The following ZNF335 variants were observed in gnomAD, a reference collection of about 807,000 sequenced individuals.
ZNF335 encodes the protein zinc finger protein 335.
A neutral mutation model predicts 145.6 loss-of-function variants in ZNF335; 84 were observed. The ratio of observed to expected loss-of-function variants is 0.58; its 90% CI spans 0.48 to 0.69. The LOEUF (loss-of-function observed/expected upper bound fraction) is 0.69. ZNF335 is among the 30% of genes least tolerant of loss of function. ZNF335 has a pLI of 0.00. For synonymous variants in ZNF335, 761 were observed against 717.0 expected, an observed-to-expected ratio of 1.06 and a Z score of -0.98; for missense variants, 1,865 against 1,809.7, an observed-to-expected ratio of 1.03 and a Z score of -0.55.
intron 3 of ZNF335, 39 bp from the exon 4 acceptor site, chr20:45,968,401 G>A (rs768057098): frequency 1.9e-6 from 3 of 1,587,046 alleles, no homozygotes; most frequent in South Asian, 2.2e-5. Context: ...TCCTGGGGAG[G>A]GGGTCCCAGC....
chr20:45,969,138 C>T (rs1009743305), intron 3 of ZNF335, among the ~76,000 whole-genome samples: 3 of 152,206 alleles, frequency 2.0e-5, no homozygotes, highest in Non-Finnish European at 2.9e-5. Flanking sequence ...CATTAACATC[C>T]TCTACCTTTT....
chr20:45,960,972 A>G (rs2145391528), intron 10 of ZNF335, 90 bp from the exon 11 acceptor site: 1 of 1,541,018 alleles, frequency 6.5e-7, no homozygotes, highest in Non-Finnish European at 8.8e-7. Context: ...CTCAGCTATG[A>G]GCCTACTCCC....
At chr20:45,956,674 A>G (rs992373273) in intron 17 of ZNF335, among the ~76,000 whole-genome samples, 2 of 152,124 alleles carry the variant, frequency 1.3e-5, no homozygotes, top group African/African-American at 4.8e-5. Flanking sequence ...GTATATGAGG[A>G]GGACACTTCA....
chr20:45,960,539 A>G lies in ZNF335; in HGVS notation c.1783-14T>C, dbSNP rs1453389722. 8 of 1,613,976 alleles carry G rather than the reference A, an allele frequency of 5.0e-6. No individual in the cohort carries two copies. Among genetic ancestry groups the G allele is most frequent in the Non-Finnish European group, 6.8e-6 (8 of 1,180,000 alleles). On this transcript the variant is annotated splice_polypyrimidine_tract_variant and intron_variant, in intron 12 of 27. Transcript: ENST00000322927. ...GGACTTTCCACACTGTGAGGGGTGG[A>G]GAGCAGTGAGATGGCGATCACCCTC...
chr20:45,958,365 T>C (rs1009399802), intron 15 of ZNF335, among the ~76,000 whole-genome samples: 8 of 152,184 alleles, frequency 5.3e-5, no homozygotes, highest in African/African-American at 1.9e-4. Flanking sequence ...GTTTTCAAAA[T>C]ATACGAGCTC....
chr20:45,958,077 GTC>G lies in ZNF335; in HGVS notation c.2254-151_2254-150del, dbSNP rs1191992506. On this transcript the variant is annotated intron_variant, in intron 15 of 27. Transcript: ENST00000322927. ...TTTCTTTTTTTTTTTTTGAGATGGA[GTC>G]TCTCTGTCATGCAGGCTGGAGTACA... is the stretch of plus-strand genomic sequence containing the variant. 17 of 639,360 alleles carry G rather than the reference GTC, an allele frequency of 2.7e-5. No homozygotes were observed. The Admixed American group carries it at 4.0e-4, about 15-fold the overall frequency. 39.6% of individuals were successfully genotyped at this position (639,360 alleles called of 1,614,324 possible). A position where few individuals can be genotyped will look rare whatever the true frequency, so the allele number is the denominator to read the frequency against.
intron 7 of ZNF335, 58 bp downstream of exon 7, chr20:45,965,570 A>T (rs963801733): frequency 1.9e-6 from 3 of 1,542,204 alleles, no homozygotes; most frequent in Admixed American, 2.2e-5. Flanking sequence ...AGAGACAAGC[A>T]GGGAGAGAGG....
At chr20:45,949,722 T>C (rs1176232947) in intron 24 of ZNF335, 78 bp downstream of exon 24, 23 of 1,554,806 alleles carry the variant, frequency 1.5e-5, no homozygotes, top group Non-Finnish European at 1.9e-5. Context: ...GTTTGGAAAG[T>C]ATCATTCCTC....
chr20:45,964,114 T>C, intron 7 of ZNF335, 124 bp from the exon 8 acceptor site: 1 of 1,183,692 alleles, frequency 8.4e-7, no homozygotes, highest in Non-Finnish European at 1.1e-6. Flanking sequence ...ATGGGTGCAT[T>C]GAGTCACATG....
At position 45,969,590 on chromosome 20, in the gene ZNF335, G is replaced by A. The variant is rs868406297; in HGVS notation, c.303C>T (p.Gly101=). Residue 101 remains glycine (G), a synonymous_variant, in exon 3 of 28, where the codon GGC becomes GGT. Coordinates refer to ENST00000322927, the MANE Select transcript of ZNF335 (RefSeq NM_022095.4). The part of the protein sequence containing the change: ...VSHGPVAGVT[G]GPPALVHSSA... The stretch of plus-strand genomic sequence containing the variant: ...TAGAGTGCACAAGTGCTGGGGGACC[G>A]CCTGTCACCCCTGCCACTGGCCCAT... The A allele has an allele frequency of 2.6e-5, 41 of 1,605,788 alleles. No individual in the cohort carries two copies. The Middle Eastern group carries it at 5.0e-4, about 19-fold the overall frequency.
At chr20:45,958,071 G>A in intron 15 of ZNF335, 143 bp from the exon 16 acceptor site, 2 of 638,944 alleles carry the variant, frequency 3.1e-6, no homozygotes, top group Non-Finnish European at 5.4e-6. Flanking sequence ...TTTTTTTTGA[G>A]ATGGAGTCTC....
chr20:45,957,458 C>T, intron 17 of ZNF335, 128 bp downstream of exon 17: 1 of 852,702 alleles, frequency 1.2e-6, no homozygotes, highest in Non-Finnish European at 1.8e-6. Flanking sequence ...GATCTGTCTC[C>T]TCCACTGCCT....
chr20:45,969,933 C>T (rs2084028922), intron 2 of ZNF335: 1 of 427,570 alleles, frequency 2.3e-6, no homozygotes, highest in Non-Finnish European at 4.1e-6. Context: ...AGAAGGGACT[C>T]CTAAGCCACA....
At chr20:45,969,327 CTG>C (rs1291242460) in intron 3 of ZNF335, 122 bp downstream of exon 3, 2 of 1,241,586 alleles carry the variant, frequency 1.6e-6, no homozygotes, top group Non-Finnish European at 2.1e-6. Flanking sequence ...ACAGGGGTGA[CTG>C]TTCCCACTCT....
At chr20:45,959,494 A>G (rs570720536) in intron 14 of ZNF335, 61 bp from the exon 15 acceptor site, 2 of 1,274,624 alleles carry the variant, frequency 1.6e-6, no homozygotes, top group South Asian at 4.0e-5. Context: ...CCCTCCAGGA[A>G]TCCTTTCTTG....
intron 2 of ZNF335, among the ~76,000 whole-genome samples, chr20:45,970,761 T>G (rs918330143): frequency 4.6e-5 from 7 of 151,244 alleles, no homozygotes; most frequent in South Asian, 2.1e-4. Context: ...TTGCGTTTTT[T>G]TTTTTTTTTT....
chr20:45,972,189 G>T lies in ZNF335; in HGVS notation c.-118C>A, dbSNP rs747755572. The T allele has an allele frequency of 4.7e-6, 6 of 1,288,826 alleles. No individual in the cohort carries two copies. Among genetic ancestry groups the T allele is most frequent in the Non-Finnish European group, 5.1e-6 (5 of 988,388 alleles). 79.8% of individuals were successfully genotyped at this position (1,288,826 alleles called of 1,614,324 possible). A position where few individuals can be genotyped will look rare whatever the true frequency, so the allele number is the denominator to read the frequency against. ...ACGAGGTCGCCATCCTCTTTCCTCC[G>T]CTGCGGAGGAACCCATCGGCCTATT... On this transcript the variant is annotated 5_prime_UTR_variant, in exon 1 of 28. Transcript: ENST00000322927.
intron 9 of ZNF335, among the ~76,000 whole-genome samples, chr20:45,962,891 G>A (rs1006016036): frequency 9.8e-5 from 14 of 142,254 alleles, no homozygotes; most frequent in Admixed American, 5.0e-4. Context: ...TTGGCTCACT[G>A]CAACCTCTGC....
chr20:45,959,103 G>C, intron 15 of ZNF335, 98 bp downstream of exon 15: 1 of 1,035,554 alleles, frequency 9.7e-7, no homozygotes, highest in Non-Finnish European at 1.3e-6. Flanking sequence ...ACAGTCTCAA[G>C]AGGCAGGGAT....
Sources: allele counts gnomAD v4.1 joint callset (sites outside exome capture counted in the v4.1 genomes callset), GRCh38; gene constraint gnomAD v4.1.1; transcripts MANE v1.5; gene names NCBI Gene and HGNC (gene_info 2026-07-23, HGNC 2026-07-21).